Variants in LRP1B observed in about 807,000 individuals in gnomAD.
LRP1B encodes the protein low-density lipoprotein receptor-related protein 1B.
A neutral mutation model predicts 556.6 loss-of-function variants in LRP1B; 217 were observed. The observed-to-expected ratio is 0.39, with a 90% CI of 0.35 to 0.44. The LOEUF (loss-of-function observed/expected upper bound fraction) is 0.44. Ranked by LOEUF, LRP1B falls within the 20% of genes least tolerant of loss-of-function variation. The pLI is 1.00. For synonymous variants in LRP1B, 2,047 were observed against 1,865.8 expected (o/e 1.10, Z -2.50); for missense variants, 5,053 against 5,620.8 (o/e 0.90, Z 3.23).
At chr2:141,017,724 A>G (rs187648847) in intron 12 of LRP1B, among the ~76,000 whole-genome samples, 21 of 151,850 alleles carry the variant, frequency 1.4e-4, no homozygotes, top group Non-Finnish European at 1.5e-5. Flanking sequence ...GCCAGGCACC[A>G]TGGCTCATGC....
intron 20 of LRP1B, among the ~76,000 whole-genome samples, chr2:140,947,151 A>AC (rs1573909934): frequency 1.3e-5 from 2 of 152,076 alleles, no homozygotes; most frequent in Non-Finnish European, 2.9e-5. Flanking sequence ...CTGCAAAAGT[A>AC]CCCCCCGAAT....
intron 41 of LRP1B, among the ~76,000 whole-genome samples, chr2:140,637,878 G>A (rs949980461): frequency 2.0e-5 from 3 of 152,080 alleles, no homozygotes; most frequent in Non-Finnish European, 2.9e-5. Flanking sequence ...AAAGTTGTAG[G>A]TTACAAAAGT....
At chr2:140,782,785 A>G (rs1006907301) in intron 32 of LRP1B, among the ~76,000 whole-genome samples, 1 of 152,210 alleles carries the variant, frequency 6.6e-6, no homozygotes, top group Non-Finnish European at 1.5e-5. Flanking sequence ...AGCACTTACT[A>G]AGTTCCAGGC....
chr2:141,807,212 T>A (rs1487252228), intron 2 of LRP1B, among the ~76,000 whole-genome samples: 1 of 152,058 alleles, frequency 6.6e-6, no homozygotes, highest in East Asian at 1.9e-4. Context: ...AAAATGATAA[T>A]GGTGAACATC....
intron 1 of LRP1B, among the ~76,000 whole-genome samples, chr2:142,081,945 C>T (rs2104932475): frequency 6.6e-6 from 1 of 152,198 alleles, no homozygotes; most frequent in South Asian, 2.1e-4. Flanking sequence ...GTAACTTGCC[C>T]AAGATGGTGC....
intron 3 of LRP1B, among the ~76,000 whole-genome samples, chr2:141,406,010 T>C (rs1298107742): frequency 6.6e-6 from 1 of 152,126 alleles, no homozygotes; most frequent in Non-Finnish European, 1.5e-5. Context: ...GTATGATGTA[T>C]GGTTAACAAA....
intron 2 of LRP1B, among the ~76,000 whole-genome samples, chr2:141,761,282 G>A (rs981018356): frequency 1.3e-5 from 2 of 151,614 alleles, no homozygotes; most frequent in African/African-American, 2.4e-5. Flanking sequence ...GCAGTACATT[G>A]CCCAGAGGTT....
intron 1 of LRP1B, among the ~76,000 whole-genome samples, chr2:141,840,492 C>G (rs1310477605): frequency 6.6e-6 from 1 of 151,718 alleles, no homozygotes; most frequent in Non-Finnish European, 1.5e-5. Context: ...CTCCTGACCT[C>G]GTGATCCGCC....
At chr2:140,768,298 G>A (rs182909248) in intron 35 of LRP1B, among the ~76,000 whole-genome samples, 16 of 151,740 alleles carry the variant, frequency 1.1e-4, no homozygotes, top group Admixed American at 1.1e-3. Context: ...CCCACATGCT[G>A]GTGCAAGATT....
intron 2 of LRP1B, among the ~76,000 whole-genome samples, chr2:141,797,077 C>T (rs1439830422): frequency 6.8e-6 from 1 of 146,442 alleles, no homozygotes; most frequent in Non-Finnish European, 1.5e-5. Flanking sequence ...AATTCTGTGA[C>T]TCATGAATTC....
intron 1 of LRP1B, among the ~76,000 whole-genome samples, chr2:141,916,206 A>C (rs1048730200): frequency 6.6e-6 from 1 of 152,110 alleles, no homozygotes; most frequent in Non-Finnish European, 1.5e-5. Context: ...GGATAAAGAA[A>C]ATGTGATACA....
At chr2:140,629,991 G>C (rs1035932278) in intron 41 of LRP1B, among the ~76,000 whole-genome samples, 17 of 152,312 alleles carry the variant, frequency 1.1e-4, no homozygotes, top group African/African-American at 4.1e-4. Flanking sequence ...TAGCAAATGC[G>C]AGAAGCAAGC....
At chr2:141,864,786 G>T (rs1698353187) in intron 1 of LRP1B, among the ~76,000 whole-genome samples, 1 of 152,140 alleles carries the variant, frequency 6.6e-6, no homozygotes, top group African/African-American at 2.4e-5. Context: ...GGAGGCTGAG[G>T]CAGGAGAATC....
chr2:140,251,232 T>G (rs187771471), intron 86 of LRP1B, among the ~76,000 whole-genome samples: 82 of 151,986 alleles, frequency 5.4e-4, no homozygotes, highest in African/African-American at 1.9e-3. Flanking sequence ...GGGGACAAAC[T>G]ATAATCTTTA....
chr2:141,586,663 C>A lies in LRP1B; in HGVS notation c.206-106130G>T, dbSNP rs767469103. 2.6e-5 allele frequency among the ~76,000 whole-genome samples: 4 copies of A among 152,140 alleles called. No homozygotes were observed. In the South Asian group the frequency reaches 8.3e-4, roughly 32 times the overall value. ...GTATGCATTAAAGAGAGAAAGGGGGCCGGGCGCGGTGGCTCACGCCTGTAA... is the reference window on the plus strand; with the variant it reads ...GTATGCATTAAAGAGAGAAAGGGGGACGGGCGCGGTGGCTCACGCCTGTAA... On this transcript the variant is annotated intron_variant, in intron 2 of 90. Coordinates refer to ENST00000389484, the MANE Select transcript of LRP1B (RefSeq NM_018557.3).
intron 1 of LRP1B, among the ~76,000 whole-genome samples, chr2:141,993,162 G>C (rs1172423852): frequency 2.0e-5 from 3 of 152,058 alleles, no homozygotes; most frequent in Non-Finnish European, 1.5e-5. Context: ...GGAGAGAGCA[G>C]GGGTAGCAAG....
At chr2:140,459,840 C>T (rs575534839) in intron 60 of LRP1B, among the ~76,000 whole-genome samples, 39 of 152,068 alleles carry the variant, frequency 2.6e-4, no homozygotes, top group African/African-American at 8.7e-4. Flanking sequence ...AGTGAGTTCT[C>T]ACGAGATAAG....
chr2:140,903,180 G>T lies in LRP1B; in HGVS notation c.3521-15C>A. On this transcript the variant is annotated splice_polypyrimidine_tract_variant and intron_variant, in intron 22 of 90. Transcript: ENST00000389484. ...CGAACACTCATCTATAAAAAGGGGG[G>T]AACAGATTATAGGTCTTATCAATTG... The T allele has an allele frequency of 1.2e-6, 2 of 1,611,054 alleles. No homozygotes were observed. Among genetic ancestry groups the T allele is most frequent in the South Asian group, 2.2e-5 (2 of 90,842 alleles).
At chr2:141,691,479 C>A (rs1469932672) in intron 2 of LRP1B, among the ~76,000 whole-genome samples, 10 of 151,340 alleles carry the variant, frequency 6.6e-5, no homozygotes, top group Non-Finnish European at 1.3e-4. Context: ...CACACACACA[C>A]ACACACGTTG....
Sources: allele counts gnomAD v4.1 joint callset (sites outside exome capture counted in the v4.1 genomes callset), GRCh38; gene constraint gnomAD v4.1.1; transcripts MANE v1.5; gene names NCBI Gene and HGNC (gene_info 2026-07-23, HGNC 2026-07-21).